Variants in SDK2 observed in about 807,000 individuals in gnomAD.
The protein encoded by SDK2 is protein sidekick-2.
Under a neutral mutation model 253.9 loss-of-function variants are expected in SDK2, and 105 were observed. The ratio of observed to expected loss-of-function variants is 0.41; its 90% CI spans 0.35 to 0.49. The LOEUF is 0.49. Among genes scored for constraint, SDK2 ranks in the 20% least tolerant of loss-of-function variants. The pLI, the probability that SDK2 is intolerant of heterozygous loss-of-function variation, is 0.06. For synonymous variants in SDK2, 1,249 were observed against 1,234.9 expected, an observed-to-expected ratio of 1.01 and a Z score of -0.24; for missense variants, 2,608 against 3,003.0, an observed-to-expected ratio of 0.87 and a Z score of 3.07.
At position 73,335,785 on chromosome 17, in the gene SDK2, G is replaced by A. The variant is rs927290438; in HGVS notation, c.*2802C>T. On this transcript the variant is annotated 3_prime_UTR_variant, in exon 45 of 45. Transcript: ENST00000392650. ...AACCCAGGCCACCTGTGCCTCACAG[G>A]GGAGAGATGGCTTCAGCCATCAGAG... is the stretch of plus-strand genomic sequence containing the variant. The A allele has an allele frequency of 4.6e-5, 7 of 152,298 alleles. No homozygotes were observed. Among genetic ancestry groups the A allele is most frequent in the African/African-American group, 1.7e-4 (7 of 41,460 alleles). The allele number at this position is 152,298 out of a possible 1,614,324, so 9.4% of individuals were successfully genotyped here.
At chr17:73,350,151 A>G in intron 43 of SDK2, 86 bp downstream of exon 43, 4 of 404,114 alleles carry the variant, frequency 9.9e-6, no homozygotes, top group Non-Finnish European at 1.3e-5. Context: ...CCAGGTGGGC[A>G]CTCCCTGCTC....
intron 3 of SDK2, among the ~76,000 whole-genome samples, chr17:73,463,186 C>T (rs1159256083): frequency 3.9e-5 from 6 of 152,194 alleles, no homozygotes; most frequent in East Asian, 1.9e-4. Context: ...CTTGCTAATA[C>T]GCCGTGTTAT....
intron 36 of SDK2, among the ~76,000 whole-genome samples, chr17:73,377,232 T>C (rs1260666138): frequency 1.3e-5 from 2 of 151,376 alleles, no homozygotes; most frequent in African/African-American, 4.9e-5. Context: ...CTTTTTTTTT[T>C]TTTGGAGACA....
intron 3 of SDK2, among the ~76,000 whole-genome samples, chr17:73,461,124 T>G (rs1319521288): frequency 2.0e-5 from 3 of 152,246 alleles, no homozygotes; most frequent in Non-Finnish European, 4.4e-5. Flanking sequence ...TTTATCTCTT[T>G]CTATAGATGC....
chr17:73,436,619 T>C (rs1300283152), intron 8 of SDK2, among the ~76,000 whole-genome samples: 2 of 145,660 alleles, frequency 1.4e-5, no homozygotes, highest in Non-Finnish European at 3.0e-5. Flanking sequence ...CCCAGAAGAG[T>C]TGGCCACACC....
intron 44 of SDK2, among the ~76,000 whole-genome samples, chr17:73,341,287 T>C (rs527514005): frequency 1.3e-5 from 2 of 151,532 alleles, no homozygotes; most frequent in African/African-American, 4.8e-5. Context: ...CATCTATCTA[T>C]TGGGGACATC....
chr17:73,403,425 G>A (rs1020152217), intron 18 of SDK2, among the ~76,000 whole-genome samples: 4 of 139,724 alleles, frequency 2.9e-5, no homozygotes, highest in Non-Finnish European at 4.6e-5. Context: ...CCTGGCCCCC[G>A]CCCCCTCCCG....
At chr17:73,482,599 G>T (rs1190536047) in intron 2 of SDK2, among the ~76,000 whole-genome samples, 1 of 152,268 alleles carries the variant, frequency 6.6e-6, no homozygotes, top group African/African-American at 2.4e-5. Flanking sequence ...CGATGGCTGG[G>T]GGAAGGCGTC....
At chr17:73,398,899 G>A (rs942211761) in intron 22 of SDK2, among the ~76,000 whole-genome samples, 9 of 152,264 alleles carry the variant, frequency 5.9e-5, no homozygotes, top group African/African-American at 2.2e-4. Flanking sequence ...AGCCAAGGCG[G>A]ATATTTTTAT....
intron 15 of SDK2, among the ~76,000 whole-genome samples, chr17:73,419,977 G>A (rs2063216299): frequency 6.6e-6 from 1 of 152,178 alleles, no homozygotes; most frequent in South Asian, 2.1e-4. Flanking sequence ...TGGGGCTGAT[G>A]AGGTCATGAG....
intron 1 of SDK2, among the ~76,000 whole-genome samples, chr17:73,548,209 G>A (rs978794259): frequency 2.0e-5 from 3 of 152,220 alleles, no homozygotes; most frequent in Non-Finnish European, 4.4e-5. Flanking sequence ...TAAGTCACAC[G>A]CTAATGTCAC....
At chr17:73,345,711 G>A (rs889397930) in intron 44 of SDK2, among the ~76,000 whole-genome samples, 3 of 152,050 alleles carry the variant, frequency 2.0e-5, no homozygotes, top group Admixed American at 6.6e-5. Context: ...TTTTGGGCTT[G>A]TTGTCAGGGG....
chr17:73,498,346 C>G (rs1043354494), intron 2 of SDK2, among the ~76,000 whole-genome samples: 1 of 152,240 alleles, frequency 6.6e-6, no homozygotes, highest in Admixed American at 6.5e-5. Flanking sequence ...GCTCACTTGG[C>G]CTCAGTCCCC....
chr17:73,509,535 A>G (rs2063961644), intron 1 of SDK2, among the ~76,000 whole-genome samples: 1 of 151,662 alleles, frequency 6.6e-6, no homozygotes, highest in African/African-American at 2.4e-5. Context: ...CATGCCTGTA[A>G]GCCCAGTGCT....
At chr17:73,413,729 TGAG>T (rs1409218086) in intron 18 of SDK2, among the ~76,000 whole-genome samples, 1 of 152,192 alleles carries the variant, frequency 6.6e-6, no homozygotes, top group East Asian at 1.9e-4. Context: ...ATGAGAAAAC[TGAG>T]TTTATTTTAG....
chr17:73,476,148 A>G (rs2063684599), intron 2 of SDK2, among the ~76,000 whole-genome samples: 1 of 152,240 alleles, frequency 6.6e-6, no homozygotes, highest in South Asian at 2.1e-4. Flanking sequence ...CAAAAATGCA[A>G]ACAAACAAAA....
At chr17:73,557,208 C>T (rs893890807) in intron 1 of SDK2, among the ~76,000 whole-genome samples, 1 of 152,248 alleles carries the variant, frequency 6.6e-6, no homozygotes, top group Non-Finnish European at 1.5e-5. Context: ...TGACACAGTT[C>T]ATAGCGCACG....
At chr17:73,506,369 A>G (rs1202511404) in intron 2 of SDK2, among the ~76,000 whole-genome samples, 2 of 151,994 alleles carry the variant, frequency 1.3e-5, no homozygotes, top group East Asian at 3.9e-4. Flanking sequence ...CCTCTGCAGG[A>G]GGGGAGGGGG....
intron 1 of SDK2, among the ~76,000 whole-genome samples, chr17:73,595,185 C>T (rs2045738298): frequency 6.7e-6 from 1 of 150,282 alleles, no homozygotes; most frequent in African/African-American, 2.5e-5. Context: ...AGTGAGAATT[C>T]GAGTGTGGGT....
Sources: allele counts gnomAD v4.1 joint callset (sites outside exome capture counted in the v4.1 genomes callset), GRCh38; gene constraint gnomAD v4.1.1; transcripts MANE v1.5; gene names NCBI Gene and HGNC (gene_info 2026-07-23, HGNC 2026-07-21).